The following THSD7B variants were observed in gnomAD, a reference collection of about 807,000 sequenced individuals.
THSD7B encodes the protein thrombospondin type-1 domain-containing protein 7B.
In THSD7B, 138 loss-of-function variants were observed where a neutral mutation model predicts 213.6. The observed-to-expected ratio is 0.65, with a 90% CI of 0.56 to 0.74. The LOEUF is 0.74. Ranked by LOEUF, THSD7B falls within the 30% of genes least tolerant of loss-of-function variation. The probability of loss-of-function intolerance (pLI) is 0.00; values close to 1 mark genes in which losing one functional copy is unlikely to be tolerated. For synonymous variants in THSD7B, 742 were observed against 687.0 expected, an observed-to-expected ratio of 1.08 and a Z score of -1.25; for missense variants, 1,931 against 1,991.5, an observed-to-expected ratio of 0.97 and a Z score of 0.58.
intron 2 of THSD7B, among the ~76,000 whole-genome samples, chr2:137,051,675 G>A (rs918714433): frequency 6.6e-6 from 1 of 152,066 alleles, no homozygotes; most frequent in African/African-American, 2.4e-5. Context: ...TAAAAATAAA[G>A]CAATGTCAGG....
At chr2:137,165,192 A>G (rs1268619977) in intron 6 of THSD7B, among the ~76,000 whole-genome samples, 1 of 152,122 alleles carries the variant, frequency 6.6e-6, no homozygotes, top group Non-Finnish European at 1.5e-5. Context: ...TCTGTGGCTG[A>G]ATGGCTGCCT....
intron 2 of THSD7B, among the ~76,000 whole-genome samples, chr2:136,942,963 A>T (rs111323814): frequency 0.074 from 11,279 of 152,206 alleles, 667 homozygotes; most frequent in African/African-American, 0.16. Flanking sequence ...TTTTTGCCCA[A>T]TCAGTATGTT....
chr2:136,999,866 G>T (rs1254202655), intron 2 of THSD7B, among the ~76,000 whole-genome samples: 1 of 152,142 alleles, frequency 6.6e-6, no homozygotes, highest in African/African-American at 2.4e-5. Context: ...TCCATCCTGT[G>T]CTAACGTGTT....
intron 7 of THSD7B, among the ~76,000 whole-genome samples, chr2:137,173,464 A>G (rs1680302759): frequency 1.3e-5 from 2 of 152,216 alleles, no homozygotes; most frequent in Admixed American, 1.3e-4. Context: ...TGAGCCTTCT[A>G]CAATCATCAG....
intron 2 of THSD7B, among the ~76,000 whole-genome samples, chr2:137,037,112 C>CT (rs1397710215): frequency 1.3e-5 from 2 of 152,118 alleles, no homozygotes; most frequent in Non-Finnish European, 2.9e-5. Context: ...TGACTAAGTC[C>CT]TTTTTTTCCC....
At chr2:137,569,422 C>A (rs1405962563) in intron 16 of THSD7B, among the ~76,000 whole-genome samples, 1 of 152,096 alleles carries the variant, frequency 6.6e-6, no homozygotes, top group Admixed American at 6.6e-5. Context: ...GTCCAAAGAC[C>A]CTTTTGTGAC....
At chr2:137,322,625 C>T (rs1247522710) in intron 12 of THSD7B, among the ~76,000 whole-genome samples, 1 of 152,168 alleles carries the variant, frequency 6.6e-6, no homozygotes, top group African/African-American at 2.4e-5. Flanking sequence ...CTTAACTGTA[C>T]CCTTCTTCAT....
chr2:137,448,009 A>AT (rs1195945477), intron 14 of THSD7B, among the ~76,000 whole-genome samples: 2 of 152,132 alleles, frequency 1.3e-5, no homozygotes. Flanking sequence ...ATTTCTTGCT[A>AT]TTTTTTTCTG....
At chr2:137,409,367 C>A (rs776518860) in intron 13 of THSD7B, among the ~76,000 whole-genome samples, 1 of 152,162 alleles carries the variant, frequency 6.6e-6, no homozygotes, top group South Asian at 2.1e-4. Context: ...AAGTGATATA[C>A]CTTTGTCATT....
intron 1 of THSD7B, among the ~76,000 whole-genome samples, chr2:136,780,669 C>G (rs1331787552): frequency 6.6e-6 from 1 of 152,206 alleles, no homozygotes; most frequent in Non-Finnish European, 1.5e-5. Flanking sequence ...AATCACCTGA[C>G]AAAGTCTTTC....
rs1686902962 is a variant in THSD7B, at chr2:137,420,596, G to A, written c.2959+8724G>A. On this transcript the variant is annotated intron_variant, in intron 14 of 27. Coordinates refer to ENST00000409968, the MANE Select transcript of THSD7B (RefSeq NM_001316349.2). ...ACAGAGGGCTGTGTGCCCCCTGAGA[G>A]ATGGACCATGAACACTTCATCACTC... Among the ~76,000 whole-genome samples, 4 of 152,176 alleles carry A rather than the reference G, an allele frequency of 2.6e-5. No individual in the cohort carries two copies. The South Asian group carries it at 8.3e-4, about 31-fold the overall frequency.
At chr2:137,097,763 A>G (rs1688065872) in intron 4 of THSD7B, among the ~76,000 whole-genome samples, 1 of 112,812 alleles carries the variant, frequency 8.9e-6, no homozygotes, top group African/African-American at 3.4e-5. Flanking sequence ...AAATGCCGCT[A>G]AGTTTGACAC....
chr2:136,886,895 A>C (rs188751775), intron 2 of THSD7B, among the ~76,000 whole-genome samples: 1 of 152,168 alleles, frequency 6.6e-6, no homozygotes, highest in Non-Finnish European at 1.5e-5. Flanking sequence ...ATGGGGTCTG[A>C]ATTCAGGAGA....
At chr2:137,015,700 C>T (rs923080514) in intron 2 of THSD7B, among the ~76,000 whole-genome samples, 1 of 152,156 alleles carries the variant, frequency 6.6e-6, no homozygotes, top group Non-Finnish European at 1.5e-5. Flanking sequence ...AAACACTCTC[C>T]TGCACCGTTA....
chr2:137,533,085 A>AT (rs1680430210), intron 15 of THSD7B, among the ~76,000 whole-genome samples: 1 of 151,498 alleles, frequency 6.6e-6, no homozygotes, highest in African/African-American at 2.4e-5. Flanking sequence ...ATGAAATAAT[A>AT]TATTTTCTTA....
intron 3 of THSD7B, among the ~76,000 whole-genome samples, chr2:137,074,901 T>G (rs1687585148): frequency 6.6e-6 from 1 of 152,222 alleles, no homozygotes; most frequent in South Asian, 2.1e-4. Flanking sequence ...TTTAAGAATG[T>G]TAAATATTGG....
intron 17 of THSD7B, among the ~76,000 whole-genome samples, chr2:137,585,566 A>G (rs538214468): frequency 2.0e-5 from 3 of 152,172 alleles, no homozygotes; most frequent in East Asian, 1.9e-4. Context: ...TTCAAAGAAC[A>G]TCTTTATTTC....
intron 2 of THSD7B, among the ~76,000 whole-genome samples, chr2:137,002,422 T>A (rs1187361815): frequency 8.6e-6 from 1 of 115,876 alleles, no homozygotes; most frequent in Non-Finnish European, 1.7e-5. Context: ...CCTGGGTGAT[T>A]CCAAACCCCA....
chr2:137,310,880 C>G (rs938994348), intron 12 of THSD7B, among the ~76,000 whole-genome samples: 1 of 152,028 alleles, frequency 6.6e-6, no homozygotes, highest in African/African-American at 2.4e-5. Flanking sequence ...GTTTTGGTAC[C>G]AGTACCATGC....
Sources: allele counts gnomAD v4.1 joint callset (sites outside exome capture counted in the v4.1 genomes callset), GRCh38; gene constraint gnomAD v4.1.1; transcripts MANE v1.5; gene names NCBI Gene and HGNC (gene_info 2026-07-23, HGNC 2026-07-21).